The following MOB3B variants were observed in gnomAD, a reference collection of about 807,000 sequenced individuals.
The protein encoded by MOB3B is MOB kinase activator-like 2B.
A neutral mutation model predicts 18.7 loss-of-function variants in MOB3B; 7 were observed. That is an observed-to-expected ratio of 0.37 (90% CI 0.21 to 0.70). MOB3B has a LOEUF of 0.70. MOB3B is among the 30% of genes least tolerant of loss of function. The pLI is 0.52. For synonymous variants in MOB3B, 111 were observed against 99.9 expected, an observed-to-expected ratio of 1.11 and a Z score of -0.66; for missense variants, 253 against 281.3, an observed-to-expected ratio of 0.90 and a Z score of 0.72.
At chr9:27,342,451 T>C (rs1212902717) in intron 3 of MOB3B, among the ~76,000 whole-genome samples, 5 of 140,496 alleles carry the variant, frequency 3.6e-5, no homozygotes, top group Admixed American at 2.8e-4. Flanking sequence ...TCCCCCTCCG[T>C]CTCCCTTTCC....
chr9:27,335,293 C>T (rs1411790289), intron 3 of MOB3B, among the ~76,000 whole-genome samples: 1 of 152,180 alleles, frequency 6.6e-6, no homozygotes, highest in East Asian at 1.9e-4. Context: ...TGGGTGTCAC[C>T]TACTCCAACA....
intron 2 of MOB3B, among the ~76,000 whole-genome samples, chr9:27,370,242 C>T (rs1412883528): frequency 6.6e-6 from 1 of 152,086 alleles, no homozygotes; most frequent in African/African-American, 2.4e-5. Context: ...GGCGCGGTCG[C>T]TCAGGCCTGT....
chr9:27,441,486 G>C (rs780201540), intron 2 of MOB3B, among the ~76,000 whole-genome samples: 34 of 152,292 alleles, frequency 2.2e-4, no homozygotes, highest in Admixed American at 5.2e-4. Context: ...TACTGCAAAG[G>C]TTAACTGATA....
At chr9:27,364,219 G>A (rs1414628967) in intron 2 of MOB3B, among the ~76,000 whole-genome samples, 1 of 152,158 alleles carries the variant, frequency 6.6e-6, no homozygotes, top group Non-Finnish European at 1.5e-5. Flanking sequence ...GCATGGCTGG[G>A]TCTGAGCAAA....
chr9:27,464,224 G>C (rs1025979765), intron 1 of MOB3B, among the ~76,000 whole-genome samples: 3 of 152,106 alleles, frequency 2.0e-5, no homozygotes, highest in East Asian at 1.9e-4. Context: ...TGGTAGGGGT[G>C]GGGGGCACGG....
chr9:27,363,012 T>C (rs1821295191), intron 2 of MOB3B, among the ~76,000 whole-genome samples: 1 of 152,190 alleles, frequency 6.6e-6, no homozygotes, highest in African/African-American at 2.4e-5. Context: ...ACTAACCTCA[T>C]GGCAGCAAGA....
chr9:27,528,522 A>G (rs997131639), intron 1 of MOB3B, among the ~76,000 whole-genome samples: 21 of 152,156 alleles, frequency 1.4e-4, no homozygotes, highest in Non-Finnish European at 2.5e-4. Context: ...CCCTCTAACC[A>G]CAAGGGCGGG....
At chr9:27,417,419 C>T (rs2131407923) in intron 2 of MOB3B, among the ~76,000 whole-genome samples, 1 of 151,824 alleles carries the variant, frequency 6.6e-6, no homozygotes, top group East Asian at 1.9e-4. Flanking sequence ...CGTCAAATGC[C>T]TGAAATGCAT....
chr9:27,387,626 A>G (rs1298882407), intron 2 of MOB3B, among the ~76,000 whole-genome samples: 1 of 152,200 alleles, frequency 6.6e-6, no homozygotes, highest in Non-Finnish European at 1.5e-5. Context: ...TTCTCCTGGT[A>G]CATTCTTCCT....
At chr9:27,352,371 C>CAAAAAAAAAAAAAAAAAA in intron 3 of MOB3B, among the ~76,000 whole-genome samples, 1 of 68,340 alleles carries the variant, frequency 1.5e-5, no homozygotes. Context: ...GACCCTGTCT[C>CAAAAAAAAAAAAAAAAAA]AAAAAAAAAA....
chr9:27,357,658 T>G (rs1821211439), intron 3 of MOB3B, among the ~76,000 whole-genome samples: 1 of 151,948 alleles, frequency 6.6e-6, no homozygotes, highest in Admixed American at 6.6e-5. Context: ...TCCCATGTGC[T>G]CTCTTGTGGC....
chr9:27,518,671 T>A (rs1439786919), intron 1 of MOB3B, among the ~76,000 whole-genome samples: 1 of 152,184 alleles, frequency 6.6e-6, no homozygotes, highest in Non-Finnish European at 1.5e-5. Context: ...AAAAGACAAC[T>A]GGATATTAGT....
chr9:27,430,996 C>T (rs527386608), intron 2 of MOB3B, among the ~76,000 whole-genome samples: 6 of 151,690 alleles, frequency 4.0e-5, no homozygotes, highest in Middle Eastern at 3.6e-3. Flanking sequence ...AAGAATTTGG[C>T]CAATGCTAAT....
intron 1 of MOB3B, among the ~76,000 whole-genome samples, chr9:27,487,199 G>A (rs961240450): frequency 1.3e-5 from 2 of 150,472 alleles, no homozygotes; most frequent in Admixed American, 6.7e-5. Context: ...TCTCCATAAC[G>A]TTTCTATAAG....
chr9:27,474,970 G>A (rs1354220223), intron 1 of MOB3B, among the ~76,000 whole-genome samples: 1 of 152,174 alleles, frequency 6.6e-6, no homozygotes, highest in African/African-American at 2.4e-5. Flanking sequence ...TTGAGTGAAG[G>A]CTGGACCCAG....
Position 27,329,516 on chromosome 9 carries a change from C to G in MOB3B, c.*1071G>C, listed in dbSNP as rs1291939816. The G allele has an allele frequency of 6.6e-6, 1 of 152,178 alleles. No homozygotes were observed. The highest frequency in any genetic ancestry group is 1.5e-5 in the Non-Finnish European group (1 of 68,002). 9.4% of individuals were successfully genotyped at this position (152,178 alleles called of 1,614,324 possible). A position where few individuals can be genotyped will look rare whatever the true frequency, so the allele number is the denominator to read the frequency against. On this transcript the variant is annotated 3_prime_UTR_variant, in exon 4 of 4. Coordinates refer to ENST00000262244, the MANE Select transcript of MOB3B (RefSeq NM_024761.5). ...CATAACGTGGCAGAGGAGTGGGGAG[C>G]GTGGAGTGGGGAGAGAATGACGGCT...
intron 2 of MOB3B, among the ~76,000 whole-genome samples, chr9:27,447,432 G>A (rs1404229793): frequency 6.6e-6 from 1 of 152,164 alleles, no homozygotes; most frequent in African/African-American, 2.4e-5. Context: ...TATGGCCTTT[G>A]TTTGTAATCT....
chr9:27,482,926 AGAGTATCTTGC>A, intron 1 of MOB3B, among the ~76,000 whole-genome samples: 1 of 152,162 alleles, frequency 6.6e-6, no homozygotes, highest in African/African-American at 2.4e-5. Context: ...CTCTTTTCCT[AGAGTATCTTGC>A]CTTGAACAGG....
intron 3 of MOB3B, among the ~76,000 whole-genome samples, chr9:27,355,936 G>C (rs28670944): frequency 6.6e-6 from 1 of 151,988 alleles, no homozygotes; most frequent in African/African-American, 2.4e-5. Context: ...GATTTGAATA[G>C]GTGCATTGCA....
Sources: gnomAD v4.1 joint callset for allele counts (sites outside exome capture counted in the v4.1 genomes callset) on GRCh38, gnomAD v4.1.1 for gene constraint, MANE v1.5 for transcripts, NCBI Gene and HGNC (gene_info 2026-07-23, HGNC 2026-07-21) for gene names.